FER: variants seen among roughly 807,000 people sequenced by gnomAD.
FER encodes tyrosine-protein kinase Fer.
A neutral mutation model predicts 111.0 loss-of-function variants in FER; 63 were observed. The observed-to-expected ratio is 0.57, with a 90% CI of 0.46 to 0.70. The LOEUF (loss-of-function observed/expected upper bound fraction) is 0.70. Among genes scored for constraint, FER ranks in the 30% least tolerant of loss-of-function variants. The probability of loss-of-function intolerance (pLI) is 0.00; values close to 1 mark genes in which losing one functional copy is unlikely to be tolerated. For missense variants in FER, 914 were observed against 954.0 expected (o/e 0.96, Z 0.55); for synonymous variants, 327 against 313.9 (o/e 1.04, Z -0.44).
intron 3 of FER, among the ~76,000 whole-genome samples, chr5:108,799,983 C>T (rs1756458435): frequency 1.3e-5 from 2 of 151,784 alleles, no homozygotes; most frequent in Admixed American, 1.3e-4. Flanking sequence ...GCTGGGATTA[C>T]AGGTGTGTAC....
At chr5:108,889,472 T>C (rs1439127451) in intron 9 of FER, among the ~76,000 whole-genome samples, 1 of 151,856 alleles carries the variant, frequency 6.6e-6, no homozygotes, top group Non-Finnish European at 1.5e-5. Context: ...TGCATGTTCT[T>C]GCTTATTTGT....
intron 2 of FER, among the ~76,000 whole-genome samples, chr5:108,783,838 C>G (rs1754365555): frequency 6.6e-6 from 1 of 152,020 alleles, no homozygotes; most frequent in South Asian, 2.1e-4. Flanking sequence ...TACCATGCTC[C>G]CTGCTACCCT....
intron 16 of FER, among the ~76,000 whole-genome samples, chr5:109,063,508 A>G (rs1275994490): frequency 6.6e-6 from 1 of 152,216 alleles, no homozygotes; most frequent in Non-Finnish European, 1.5e-5. Flanking sequence ...CTCCTGCCTC[A>G]TACTCACTAA....
rs758767938 is a variant in FER at position 108,835,810 on chromosome 5, A to C, written c.481+3A>C. 6.6e-7 allele frequency: 1 copy of C among 1,513,418 alleles called. No individual in the cohort carries two copies. Among genetic ancestry groups the C allele is most frequent in the Non-Finnish European group, 8.9e-7 (1 of 1,127,292 alleles). 93.7% of individuals were successfully genotyped at this position (1,513,418 alleles called of 1,614,324 possible). On this transcript the variant is annotated splice_donor_region_variant and intron_variant, in intron 5 of 19. Coordinates refer to ENST00000281092, the MANE Select transcript of FER (RefSeq NM_005246.4). Reference sequence around the variant, plus strand: ...ATATAAAGAAGCTTTAGCTAAAGGTAAGGCAAAATTTTAAAAATTGTTTAC... The same window carrying C: ...ATATAAAGAAGCTTTAGCTAAAGGTCAGGCAAAATTTTAAAAATTGTTTAC...
chr5:108,986,396 G>A (rs929912612), intron 13 of FER, among the ~76,000 whole-genome samples: 2 of 150,888 alleles, frequency 1.3e-5, no homozygotes, highest in South Asian at 2.1e-4. Flanking sequence ...TCTATGTGTT[G>A]TCTGTTTGCT....
At chr5:108,862,248 T>C (rs1488072940) in intron 5 of FER, among the ~76,000 whole-genome samples, 1 of 152,210 alleles carries the variant, frequency 6.6e-6, no homozygotes, top group Non-Finnish European at 1.5e-5. Context: ...CTCTAATGAC[T>C]TCAGGCTGTT....
intron 17 of FER, among the ~76,000 whole-genome samples, chr5:109,155,327 T>G (rs1582291316): frequency 6.6e-6 from 1 of 151,810 alleles, no homozygotes. Flanking sequence ...TGAAGAGTAG[T>G]CAAGTTAAAA....
chr5:109,111,094 T>C (rs1312243350), intron 17 of FER, among the ~76,000 whole-genome samples: 1 of 152,188 alleles, frequency 6.6e-6, no homozygotes, highest in Non-Finnish European at 1.5e-5. Context: ...TCTAGATCTT[T>C]AGAAGTATAC....
intron 8 of FER, among the ~76,000 whole-genome samples, chr5:108,873,739 G>A (rs982557592): frequency 2.0e-5 from 3 of 152,146 alleles, no homozygotes; most frequent in Admixed American, 6.5e-5. Context: ...CTTGCCCTGG[G>A]TGATTTTATA....
chr5:108,825,633 A>G (rs1759383494), intron 3 of FER, among the ~76,000 whole-genome samples: 1 of 152,214 alleles, frequency 6.6e-6, no homozygotes, highest in African/African-American at 2.4e-5. Context: ...GGATTAAGAG[A>G]TTAAAGTAAA....
intron 3 of FER, among the ~76,000 whole-genome samples, chr5:108,816,090 C>G (rs955491340): frequency 6.6e-6 from 1 of 151,930 alleles, no homozygotes; most frequent in Admixed American, 6.6e-5. Context: ...CACACACACA[C>G]CACACATATA....
intron 13 of FER, among the ~76,000 whole-genome samples, chr5:109,008,588 C>T (rs897890853): frequency 1.3e-5 from 2 of 152,086 alleles, no homozygotes; most frequent in African/African-American, 4.8e-5. Context: ...CTCTTCTCAC[C>T]TTCCCTAGGC....
intron 13 of FER, among the ~76,000 whole-genome samples, chr5:108,998,484 G>A (rs1005059439): frequency 6.6e-6 from 1 of 152,136 alleles, no homozygotes; most frequent in Non-Finnish European, 1.5e-5. Flanking sequence ...CGCACCCACT[G>A]TCCAACCAGT....
At chr5:109,157,139 G>T (rs1294319042) in intron 17 of FER, among the ~76,000 whole-genome samples, 3 of 152,028 alleles carry the variant, frequency 2.0e-5, no homozygotes, top group Non-Finnish European at 4.4e-5. Context: ...GCTTGGTATA[G>T]CCCCTTACTC....
chr5:109,033,234 A>G (rs936803277), intron 13 of FER, among the ~76,000 whole-genome samples: 6 of 152,104 alleles, frequency 3.9e-5, no homozygotes, highest in Non-Finnish European at 7.4e-5. Flanking sequence ...TTTTTTCTCT[A>G]TATTTGAGAA....
intron 13 of FER, among the ~76,000 whole-genome samples, chr5:108,983,334 T>G (rs1056892404): frequency 6.6e-6 from 1 of 152,136 alleles, no homozygotes; most frequent in African/African-American, 2.4e-5. Flanking sequence ...CTGAGCTCTT[T>G]ACTGCTTCCT....
At chr5:108,993,449 G>A (rs1002119344) in intron 13 of FER, among the ~76,000 whole-genome samples, 2 of 152,098 alleles carry the variant, frequency 1.3e-5, no homozygotes, top group African/African-American at 4.8e-5. Context: ...TGAGGCAGGA[G>A]AATCAGGCAG....
In FER at chr5:108,867,889, A is replaced by G. The variant is rs779555018; in HGVS notation, c.604A>G (p.Ile202Val). The change falls in exon 6 of 20, where the codon ATC becomes GTC. Residue 202 changes from isoleucine (I) to valine (V), a missense_variant. Ile to Val is a conservative substitution (Grantham distance 29, BLOSUM62 3). Coordinates refer to ENST00000281092, the MANE Select transcript of FER (RefSeq NM_005246.4). ...GCTCCATCAGAATCAGTATTATGAT[A>G]TCACACTTCCCCTGCTTCTGGACTC... ...AQLHQNQYYDITLPLLLDSLQ... is the reference protein window; with the variant it reads ...AQLHQNQYYDVTLPLLLDSLQ... 57 of 1,613,152 alleles carry G rather than the reference A, an allele frequency of 3.5e-5. No homozygotes were observed. Among genetic ancestry groups the G allele is most frequent in the Admixed American group, 3.5e-4 (21 of 59,904 alleles).
chr5:108,983,272 C>G (rs1762202286), intron 13 of FER, among the ~76,000 whole-genome samples: 1 of 152,042 alleles, frequency 6.6e-6, no homozygotes, highest in Non-Finnish European at 1.5e-5. Context: ...AAACCAATAG[C>G]ATCTCTGACT....
Sources: gnomAD v4.1 joint callset for allele counts (sites outside exome capture counted in the v4.1 genomes callset) on GRCh38, gnomAD v4.1.1 for gene constraint, MANE v1.5 for transcripts, NCBI Gene and HGNC (gene_info 2026-07-23, HGNC 2026-07-21) for gene names.